The following PTBP3 variants were observed in gnomAD, a reference collection of about 807,000 sequenced individuals.
The protein encoded by PTBP3 is polypyrimidine tract-binding protein 3.
Under a neutral mutation model 58.7 loss-of-function variants are expected in PTBP3, and 20 were observed. That is an observed-to-expected ratio of 0.34 (90% CI 0.24 to 0.50). PTBP3 has a LOEUF of 0.50. Among genes scored for constraint, PTBP3 ranks in the 20% least tolerant of loss-of-function variants. The probability of loss-of-function intolerance (pLI) is 0.98; values close to 1 mark genes in which losing one functional copy is unlikely to be tolerated. For synonymous variants in PTBP3, 185 were observed against 219.8 expected, an observed-to-expected ratio of 0.84 and a Z score of 1.40; for missense variants, 509 against 637.2, an observed-to-expected ratio of 0.80 and a Z score of 2.17.
intron 8 of PTBP3, 116 bp downstream of exon 8, chr9:112,234,704 T>C (rs112730422): frequency 1.1e-6 from 1 of 891,416 alleles, no homozygotes; most frequent in South Asian, 1.6e-5. Flanking sequence ...ACAGCTGATA[T>C]GCATAATGCT....
chr9:112,333,399 G>T, intron 1 of PTBP3, 71 bp downstream of exon 1: 1 of 1,534,114 alleles, frequency 6.5e-7, no homozygotes, highest in Non-Finnish European at 8.8e-7. Flanking sequence ...GCCCTTACGC[G>T]TCCCGCGGAG....
At chr9:112,379,283 T>C in the PTBP3 span, among the ~76,000 whole-genome samples, 2 of 152,244 alleles carry the variant, frequency 1.3e-5, no homozygotes, top group Non-Finnish European at 2.9e-5. Context: ...CAAGGTCCTG[T>C]TCTATCCCTA....
At chr9:112,247,384 A>C (rs1003409173) in intron 7 of PTBP3, among the ~76,000 whole-genome samples, 7 of 152,072 alleles carry the variant, frequency 4.6e-5, no homozygotes, top group Admixed American at 4.6e-4. Context: ...ATGACAAATA[A>C]ATTAGCCCGA....
At chr9:112,330,107 G>A (rs1198761319) in intron 1 of PTBP3, among the ~76,000 whole-genome samples, 1 of 152,076 alleles carries the variant, frequency 6.6e-6, no homozygotes, top group Non-Finnish European at 1.5e-5. Flanking sequence ...CCACCTCTCA[G>A]CCTCCCAAAC....
chr9:112,239,176 G>T (rs527614632), intron 7 of PTBP3, among the ~76,000 whole-genome samples: 3 of 152,272 alleles, frequency 2.0e-5, no homozygotes, highest in Admixed American at 6.5e-5. Context: ...TAAAATGTTT[G>T]AAAGTTAAAA....
At chr9:112,358,874 C>A in the PTBP3 span, among the ~76,000 whole-genome samples, 1 of 152,156 alleles carries the variant, frequency 6.6e-6, no homozygotes, top group Non-Finnish European at 1.5e-5. Flanking sequence ...CAGAGTCTTG[C>A]TCTGTTACCC....
intron 1 of PTBP3, among the ~76,000 whole-genome samples, chr9:112,329,698 CTA>C (rs1830290867): frequency 6.6e-6 from 1 of 152,024 alleles, no homozygotes; most frequent in Non-Finnish European, 1.5e-5. Flanking sequence ...TGAAGGATTG[CTA>C]TGATTGGTAA....
At chr9:112,358,347 G>C in the PTBP3 span, among the ~76,000 whole-genome samples, 1 of 152,098 alleles carries the variant, frequency 6.6e-6, no homozygotes, top group Non-Finnish European at 1.5e-5. Context: ...TGCCACTGAT[G>C]CTACTGGCAT....
At chr9:112,339,128 A>G in the PTBP3 span, among the ~76,000 whole-genome samples, 3 of 152,004 alleles carry the variant, frequency 2.0e-5, no homozygotes, top group African/African-American at 7.2e-5. Flanking sequence ...CGTCTCTACT[A>G]AAAATATAAA....
At chr9:112,352,259 C>G in the PTBP3 span, among the ~76,000 whole-genome samples, 1 of 152,130 alleles carries the variant, frequency 6.6e-6, no homozygotes, top group Non-Finnish European at 1.5e-5. Context: ...AAAGTAAAAT[C>G]TAGGTACTAG....
intron 1 of PTBP3, among the ~76,000 whole-genome samples, chr9:112,329,953 C>G (rs556519079): frequency 9.3e-5 from 14 of 150,544 alleles, no homozygotes; most frequent in African/African-American, 3.4e-4. Flanking sequence ...TCAGGTGATT[C>G]TCCCACCTCA....
chr9:112,349,918 T>G, the PTBP3 span, among the ~76,000 whole-genome samples: 1 of 142,620 alleles, frequency 7.0e-6, no homozygotes, highest in Non-Finnish European at 1.5e-5. Context: ...GGACACCCAG[T>G]TGGAAATTGC....
At chr9:112,259,552 T>C (rs1377715212) in intron 5 of PTBP3, among the ~76,000 whole-genome samples, 1 of 152,200 alleles carries the variant, frequency 6.6e-6, no homozygotes, top group Non-Finnish European at 1.5e-5. Flanking sequence ...ATATAACTTA[T>C]ATCTTCACAT....
At chr9:112,291,138 C>T (rs778021070) in intron 2 of PTBP3, among the ~76,000 whole-genome samples, 28 of 152,042 alleles carry the variant, frequency 1.8e-4, no homozygotes, top group Non-Finnish European at 3.1e-4. Flanking sequence ...AGGATAATCA[C>T]TTCAACCTGG....
chr9:112,255,816 G>A (rs1045020306), intron 5 of PTBP3, among the ~76,000 whole-genome samples: 10 of 152,196 alleles, frequency 6.6e-5, no homozygotes, highest in African/African-American at 2.4e-4. Flanking sequence ...TGTTTTCCTA[G>A]AAATGTGTTT....
At position 112,321,446 on chromosome 9, in the gene PTBP3, T is replaced by C. The variant is rs1027550704; in HGVS notation, c.-52+12024A>G. Among the ~76,000 whole-genome samples the C allele has an allele frequency of 2.6e-5, 4 of 151,132 alleles. No individual in the cohort carries two copies. The South Asian group carries it at 6.2e-4, about 24-fold the overall frequency. On this transcript the variant is annotated intron_variant, in intron 1 of 13. Coordinates refer to ENST00000374257, the MANE Select transcript of PTBP3 (RefSeq NM_001163788.4). ...CAGGAGGCTGAGGCAGGAGAATCGA[T>C]TGAACCTGGGAGGCGGAGGTTGCAG...
chr9:112,239,877 G>GGGAAGGAA (rs1835585251), intron 7 of PTBP3, among the ~76,000 whole-genome samples: 1 of 95,248 alleles, frequency 1.0e-5, no homozygotes, highest in Non-Finnish European at 2.2e-5. Flanking sequence ...GAGGGAGGGA[G>GGGAAGGAA]GGAGGCAAGG....
chr9:112,221,081 C>A lies in PTBP3; in HGVS notation c.*2770G>T. On this transcript the variant is annotated 3_prime_UTR_variant, in exon 14 of 14. Transcript: ENST00000374257. Reference sequence around the variant, plus strand: ...CAAACAGCAAATAGCTTAATATGGACAACATCCATGTGCTACAGCTAATTT... The same window carrying A: ...CAAACAGCAAATAGCTTAATATGGAAAACATCCATGTGCTACAGCTAATTT... 1 of 985,014 alleles carries A rather than the reference C, an allele frequency of 1.0e-6. No homozygotes were observed. The highest frequency in any genetic ancestry group is 1.2e-6 in the Non-Finnish European group (1 of 829,496). The allele number at this position is 985,014 out of a possible 1,614,324, so 61.0% of individuals were successfully genotyped here.
At chr9:112,297,749 T>C in intron 2 of PTBP3, 83 bp downstream of exon 2, 1 of 1,161,700 alleles carries the variant, frequency 8.6e-7, no homozygotes, top group Non-Finnish European at 1.2e-6. Flanking sequence ...CACTTCAACA[T>C]GATATAAGCA....
Sources: allele counts gnomAD v4.1 joint callset (sites outside exome capture counted in the v4.1 genomes callset), GRCh38; gene constraint gnomAD v4.1.1; transcripts MANE v1.5; gene names NCBI Gene and HGNC (gene_info 2026-07-23, HGNC 2026-07-21).